The following SLC8B1 variants were observed in gnomAD, a reference collection of about 807,000 sequenced individuals.
SLC8B1 encodes solute carrier family 8 member B1.
Under a neutral mutation model 63.4 loss-of-function variants are expected in SLC8B1, and 52 were observed. That is an observed-to-expected ratio of 0.82 (90% CI 0.66 to 1.03). The LOEUF (loss-of-function observed/expected upper bound fraction) is 1.03. SLC8B1 is among the 50% of genes least tolerant of loss of function. The pLI is 0.00. For missense variants in SLC8B1, 657 were observed against 741.7 expected (o/e 0.89, Z 1.33); for synonymous variants, 336 against 323.9 (o/e 1.04, Z -0.40).
intron 15 of SLC8B1, among the ~76,000 whole-genome samples, chr12:113,301,215 G>T (rs1956582491): frequency 1.3e-5 from 2 of 152,016 alleles, no homozygotes; most frequent in Admixed American, 1.3e-4. Context: ...ACAAAGCAAA[G>T]GCAGCCAAAC....
chr12:113,319,240 G>A, intron 7 of SLC8B1, 169 bp from the exon 8 acceptor site: 1 of 596,710 alleles, frequency 1.7e-6, no homozygotes. Flanking sequence ...CCTTCCTCCT[G>A]CCTTCCAGGA....
In SLC8B1 at chr12:113,320,551, C is replaced by T; in HGVS notation, c.526+30G>A. The T allele has an allele frequency of 2.5e-6, 4 of 1,613,882 alleles. No homozygotes were observed. The highest frequency in any genetic ancestry group is 1.6e-4 in the Middle Eastern group (1 of 6,062). ...ACCCTGCACCCTCTCCTGCTGCTTT[C>T]CCCGCCCCCCTCACTGGGGCTGCTC... On this transcript the variant is annotated intron_variant, in intron 6 of 15. Coordinates refer to ENST00000680972, the MANE Select transcript of SLC8B1 (RefSeq NM_001358345.2). This position sits in a 1 kb window ranked among gnomAD's most constrained non-coding sequence, Gnocchi z 5.3.
rs939266933 is a variant in SLC8B1 at position 113,319,080 on chromosome 12, G to A, written c.695-9C>T. On this transcript the variant is annotated splice_polypyrimidine_tract_variant and intron_variant, in intron 7 of 15. Coordinates refer to ENST00000680972, the MANE Select transcript of SLC8B1 (RefSeq NM_001358345.2). ...ATACAAGCCCAGGTAACCTGCAGACGGGGTGCACGCCGTCACCAAGTGGTG... is the reference window on the plus strand; with the variant it reads ...ATACAAGCCCAGGTAACCTGCAGACAGGGTGCACGCCGTCACCAAGTGGTG... 1.1e-5 allele frequency: 18 copies of A among 1,608,732 alleles called. No individual in the cohort carries two copies. Among genetic ancestry groups the A allele is most frequent in the Admixed American group, 5.0e-5 (3 of 59,966 alleles).
chr12:113,334,277 T>C (rs1394481315), intron 1 of SLC8B1, among the ~76,000 whole-genome samples, 166 bp downstream of exon 1: 3 of 152,190 alleles, frequency 2.0e-5, no homozygotes, highest in Non-Finnish European at 4.4e-5. Flanking sequence ...TGTTCTACGA[T>C]GAGTATGTCT....
chr12:113,304,281 C>T (rs771325288), intron 15 of SLC8B1, 40 bp downstream of exon 15: 1 of 1,598,348 alleles, frequency 6.3e-7, no homozygotes, highest in Admixed American at 1.7e-5. Flanking sequence ...CAAGCTACAT[C>T]TTGGTTATAT....
At chr12:113,302,810 C>CG in intron 15 of SLC8B1, 1 of 443,884 alleles carries the variant, frequency 2.3e-6, no homozygotes, top group Non-Finnish European at 4.6e-6. Context: ...ATATTACACA[C>CG]GCCTGTGGAC....
At chr12:113,333,141 C>T (rs560164100) in intron 1 of SLC8B1, among the ~76,000 whole-genome samples, 181 bp from the exon 2 acceptor site, 16 of 152,242 alleles carry the variant, frequency 1.1e-4, no homozygotes, top group African/African-American at 3.9e-4. Flanking sequence ...GCCCATTCAG[C>T]GTGCAGATCA....
intron 12 of SLC8B1, 73 bp from the exon 13 acceptor site, chr12:113,307,917 G>A: frequency 2.6e-6 from 4 of 1,540,616 alleles, no homozygotes; most frequent in Non-Finnish European, 3.5e-6. Context: ...CCTCACCTGT[G>A]AAACGGGATG....
At chr12:113,331,999 C>G (rs1329390625) in intron 2 of SLC8B1, among the ~76,000 whole-genome samples, 1 of 152,160 alleles carries the variant, frequency 6.6e-6, no homozygotes, top group African/African-American at 2.4e-5. Flanking sequence ...ATTCTAGCCT[C>G]CCTGCTGTTA....
chr12:113,304,328 T>A lies in SLC8B1; in HGVS notation c.1550A>T (p.Glu517Val). ...CLLQISRSHT[E>V]VKLEPDGLLV... ...CTTACAAGGAATACTCACCTTCACT[T>A]CTGTGTGGCTTCGGGAGATCTGGAG... Residue 517 changes from glutamate (E) to valine (V), a missense_variant, in exon 15 of 16, where the codon GAA becomes GTA. Coordinates refer to ENST00000680972, the MANE Select transcript of SLC8B1 (RefSeq NM_001358345.2). The A allele has an allele frequency of 6.2e-7, 1 of 1,613,966 alleles. No homozygotes were observed. The highest frequency in any genetic ancestry group is 8.5e-7 in the Non-Finnish European group (1 of 1,179,894).
At chr12:113,325,972 C>T (rs1485147286) in intron 2 of SLC8B1, among the ~76,000 whole-genome samples, 1 of 152,168 alleles carries the variant, frequency 6.6e-6, no homozygotes, top group Non-Finnish European at 1.5e-5. Context: ...TTTTGTGTAG[C>T]CTTTCCAACA....
chr12:113,318,507 G>A (rs112076832), intron 8 of SLC8B1, among the ~76,000 whole-genome samples: 5 of 151,804 alleles, frequency 3.3e-5, no homozygotes, highest in African/African-American at 7.3e-5. Context: ...GTGTGTGCAT[G>A]TATGTGTATG....
intron 2 of SLC8B1, among the ~76,000 whole-genome samples, chr12:113,325,926 A>G (rs1956991899): frequency 6.6e-6 from 1 of 152,174 alleles, no homozygotes; most frequent in African/African-American, 2.4e-5. Context: ...GGGGCTTAAT[A>G]CATTTGTGTT....
At chr12:113,307,110 CAAAAAAAAAAAAAAAAAAA>C (rs67032040) in intron 13 of SLC8B1, among the ~76,000 whole-genome samples, 9 of 18,208 alleles carry the variant, frequency 4.9e-4, no homozygotes, top group South Asian at 3.5e-3. Flanking sequence ...GCCTCCATCT[CAAAAAAAAAAAAAAAAAAA>C]AAAAAAAAAA....
chr12:113,306,385 C>T (rs1011782721), intron 14 of SLC8B1, 110 bp downstream of exon 14: 5 of 887,736 alleles, frequency 5.6e-6, no homozygotes, highest in Non-Finnish European at 8.3e-6. Context: ...AGCCACATTA[C>T]CTGCCCCAGG....
intron 14 of SLC8B1, 42 bp downstream of exon 14, chr12:113,306,453 G>A (rs748336438): frequency 5.3e-6 from 8 of 1,523,786 alleles, no homozygotes; most frequent in Non-Finnish European, 7.1e-6. Flanking sequence ...ACCCACGGCT[G>A]TGACACCAGT....
At position 113,321,957 on chromosome 12, in the gene SLC8B1, T is replaced by C. The variant is rs142247668; in HGVS notation, c.157-609A>G. ...CCTATAATCCCAGCACTTTGGGAGG[T>C]TGAGGTGGGAGGATTGCTTGAACCC... On this transcript the variant is annotated intron_variant, in intron 2 of 15. Coordinates refer to ENST00000680972, the MANE Select transcript of SLC8B1 (RefSeq NM_001358345.2). Among the ~76,000 whole-genome samples, 828 of 151,850 alleles carry C rather than the reference T, an allele frequency of 5.5e-3. 9 individuals carry two copies. Among genetic ancestry groups the C allele is most frequent in the African/African-American group, 0.019 (766 of 41,402 alleles).
At chr12:113,304,855 A>AG (rs1050871553) in intron 14 of SLC8B1, among the ~76,000 whole-genome samples, 3 of 152,164 alleles carry the variant, frequency 2.0e-5, no homozygotes, top group Admixed American at 2.0e-4. Flanking sequence ...CTCGTGCCTC[A>AG]GGCTCCCAAA....
At chr12:113,317,599 C>A (rs1284175947) in intron 8 of SLC8B1, among the ~76,000 whole-genome samples, 1 of 152,210 alleles carries the variant, frequency 6.6e-6, no homozygotes, top group Non-Finnish European at 1.5e-5. Flanking sequence ...CTATTTTTCT[C>A]TTCTCAGGAG....
Sources: allele counts gnomAD v4.1 joint callset (sites outside exome capture counted in the v4.1 genomes callset), GRCh38; gene constraint gnomAD v4.1.1; non-coding constraint Gnocchi (gnomAD v3.1); transcripts MANE v1.5; gene names NCBI Gene and HGNC (gene_info 2026-07-23, HGNC 2026-07-21).